The following NYAP2 variants were observed in gnomAD, a reference collection of about 807,000 sequenced individuals.
NYAP2 encodes neuronal tyrosine-phosphorylated phosphoinositide-3-kinase adaptor 2.
A neutral mutation model predicts 50.4 loss-of-function variants in NYAP2; 23 were observed. That is an observed-to-expected ratio of 0.46 (90% CI 0.33 to 0.65). NYAP2 has a LOEUF of 0.65. Among genes scored for constraint, NYAP2 ranks in the 30% least tolerant of loss-of-function variants. The pLI is 0.02. For synonymous variants in NYAP2, 394 were observed against 365.2 expected (o/e 1.08, Z -0.90); for missense variants, 885 against 861.0 (o/e 1.03, Z -0.35).
At chr2:225,663,003 A>C in the NYAP2 span, among the ~76,000 whole-genome samples, 1 of 152,198 alleles carries the variant, frequency 6.6e-6, no homozygotes, top group Non-Finnish European at 1.5e-5. Flanking sequence ...ATACAAAAGC[A>C]CACTTTAGAC....
chr2:225,611,237 G>A (rs931035756), intron 5 of NYAP2, among the ~76,000 whole-genome samples: 1 of 152,052 alleles, frequency 6.6e-6, no homozygotes, highest in African/African-American at 2.4e-5. Context: ...TAAGACTAGA[G>A]CCTCAATTCC....
intron 3 of NYAP2, among the ~76,000 whole-genome samples, chr2:225,490,327 A>G (rs1690382779): frequency 6.6e-6 from 1 of 151,986 alleles, no homozygotes; most frequent in African/African-American, 2.4e-5. Flanking sequence ...CAACATAAAG[A>G]CTCTTGTTTG....
At chr2:225,411,540 C>A (rs1203165598) in intron 3 of NYAP2, among the ~76,000 whole-genome samples, 1 of 151,706 alleles carries the variant, frequency 6.6e-6, no homozygotes, top group Non-Finnish European at 1.5e-5. Flanking sequence ...GCCGAAGGTA[C>A]AAATGTGAGA....
intron 5 of NYAP2, among the ~76,000 whole-genome samples, chr2:225,605,887 A>G (rs1214233244): frequency 2.0e-5 from 3 of 152,166 alleles, no homozygotes; most frequent in Non-Finnish European, 4.4e-5. Flanking sequence ...GTGGAATCAC[A>G]AGATCTAGCC....
At chr2:225,562,422 T>A (rs992966063) in intron 4 of NYAP2, among the ~76,000 whole-genome samples, 1 of 152,138 alleles carries the variant, frequency 6.6e-6, no homozygotes, top group Non-Finnish European at 1.5e-5. Flanking sequence ...TTAAACGGCT[T>A]GCTGGGGTAT....
chr2:225,665,904 G>A, the NYAP2 span, among the ~76,000 whole-genome samples: 1 of 136,060 alleles, frequency 7.3e-6, no homozygotes, highest in Non-Finnish European at 1.5e-5. Context: ...AGCACATCAC[G>A]ACCTTCTTTC....
chr2:225,538,778 T>TTTTCTTTTC (rs1691397330), intron 4 of NYAP2, among the ~76,000 whole-genome samples: 2 of 76,092 alleles, frequency 2.6e-5, no homozygotes, highest in East Asian at 4.6e-4. Context: ...TTTTCTTTTC[T>TTTTCTTTTC]TTTCTTTCTT....
chr2:225,611,124 C>A (rs1219415913), intron 5 of NYAP2, among the ~76,000 whole-genome samples: 1 of 152,072 alleles, frequency 6.6e-6, no homozygotes, highest in African/African-American at 2.4e-5. Context: ...AGACAGAAAT[C>A]AAATGTAGAC....
At chr2:225,646,890 T>C (rs1461637937) in intron 6 of NYAP2, among the ~76,000 whole-genome samples, 1 of 152,122 alleles carries the variant, frequency 6.6e-6, no homozygotes, top group Non-Finnish European at 1.5e-5. Flanking sequence ...AGCAAGACGT[T>C]TCCAGGTCAC....
At chr2:225,502,591 A>G (rs1441984908) in intron 3 of NYAP2, among the ~76,000 whole-genome samples, 1 of 152,204 alleles carries the variant, frequency 6.6e-6, no homozygotes, top group African/African-American at 2.4e-5. Context: ...GTTTTGCCCA[A>G]ATATACTGAT....
chr2:225,554,358 T>C (rs1436235370), intron 4 of NYAP2, among the ~76,000 whole-genome samples: 1 of 151,336 alleles, frequency 6.6e-6, no homozygotes, highest in Non-Finnish European at 1.5e-5. Context: ...TCTCATTCTG[T>C]CACCCAAGCT....
the NYAP2 span, chr2:225,699,820 A>G: frequency 1.3e-5 from 2 of 151,908 alleles, no homozygotes; most frequent in South Asian, 4.1e-4. Flanking sequence ...TTTAAGTTAA[A>G]AAAATCATAT....
At chr2:225,646,903 T>G (rs1693645009) in intron 6 of NYAP2, among the ~76,000 whole-genome samples, 2 of 152,092 alleles carry the variant, frequency 1.3e-5, no homozygotes, top group Non-Finnish European at 2.9e-5. Context: ...CAGGTCACGG[T>G]GACATTTGGA....
intron 4 of NYAP2, among the ~76,000 whole-genome samples, chr2:225,571,114 C>G (rs1300627894): frequency 1.3e-5 from 2 of 152,256 alleles, no homozygotes; most frequent in African/African-American, 4.8e-5. Context: ...ATTGGGCTCC[C>G]ATGGCCTTGG....
chr2:225,555,006 G>A (rs563469319), intron 4 of NYAP2, among the ~76,000 whole-genome samples: 1 of 152,102 alleles, frequency 6.6e-6, no homozygotes, highest in Non-Finnish European at 1.5e-5. Context: ...CTTTCTAAAT[G>A]CAAGATTATA....
At chr2:225,584,089 T>C (rs1692349976) in intron 5 of NYAP2, among the ~76,000 whole-genome samples, 1 of 152,118 alleles carries the variant, frequency 6.6e-6, no homozygotes, top group South Asian at 2.1e-4. Flanking sequence ...CAAATTCCCA[T>C]TAGAAAACCT....
rs188368084 is a variant in NYAP2 at position 225,436,657 on chromosome 2, T to G, written c.221+27556T>G. 3.5e-3 allele frequency among the ~76,000 whole-genome samples: 522 copies of G among 151,020 alleles called. 13 individuals are homozygous for G. Among genetic ancestry groups the G allele is most frequent in the Non-Finnish European group, 3.7e-4 (25 of 67,878 alleles). On this transcript the variant is annotated intron_variant, in intron 3 of 6. Transcript: ENST00000636099. Reference sequence around the variant, plus strand: ...TATTAATTTTGGGGAGGACACAATTTAACCCATAATATAACACATGCTACA... The same window carrying G: ...TATTAATTTTGGGGAGGACACAATTGAACCCATAATATAACACATGCTACA...
chr2:225,400,503 G>A (rs1488651356), intron 1 of NYAP2, 58 bp from the exon 2 acceptor site: 1 of 152,084 alleles, frequency 6.6e-6, no homozygotes, highest in Admixed American at 6.6e-5. Context: ...TGGCTGAAAG[G>A]AGACATTTAG....
upstream of NYAP2, among the ~76,000 whole-genome samples, chr2:225,399,144 G>GA (rs1470750229): frequency 6.6e-6 from 1 of 151,938 alleles, no homozygotes; most frequent in Non-Finnish European, 1.5e-5. Context: ...AATGTGAGGG[G>GA]AAAAATCTAT....
Sources: allele counts gnomAD v4.1 joint callset (sites outside exome capture counted in the v4.1 genomes callset), GRCh38; gene constraint gnomAD v4.1.1; transcripts MANE v1.5; gene names NCBI Gene and HGNC (gene_info 2026-07-23, HGNC 2026-07-21).